MYO16: variants seen among roughly 807,000 people sequenced by gnomAD.
The protein encoded by MYO16 is unconventional myosin-XVI.
A neutral mutation model predicts 205.3 loss-of-function variants in MYO16; 94 were observed. The ratio of observed to expected loss-of-function variants is 0.46; its 90% CI spans 0.39 to 0.54. MYO16 has a LOEUF of 0.54. MYO16 is among the 20% of genes least tolerant of loss of function. MYO16 has a pLI of 0.00. For synonymous variants in MYO16, 988 were observed against 954.0 expected (o/e 1.04, Z -0.66); for missense variants, 2,315 against 2,387.5 (o/e 0.97, Z 0.63).
intron 16 of MYO16, among the ~76,000 whole-genome samples, chr13:108,934,533 C>T (rs1397235402): frequency 6.6e-6 from 1 of 152,042 alleles, no homozygotes; most frequent in African/African-American, 2.4e-5. Context: ...TATATTCTTC[C>T]ATTCTGTAGG....
intron 7 of MYO16, among the ~76,000 whole-genome samples, chr13:108,810,225 T>C (rs1887245877): frequency 6.6e-6 from 1 of 152,218 alleles, no homozygotes; most frequent in Admixed American, 6.5e-5. Flanking sequence ...ATCGTATGTC[T>C]TTACTACTTT....
chr13:109,012,140 A>G (rs558650871), intron 22 of MYO16, among the ~76,000 whole-genome samples: 15 of 152,306 alleles, frequency 9.8e-5, no homozygotes, highest in African/African-American at 3.4e-4. Flanking sequence ...AACAAAAACT[A>G]AACTTTCCTA....
intron 33 of MYO16, among the ~76,000 whole-genome samples, chr13:109,173,887 C>CAAAAAAAAAAAAA (rs778094207): frequency 3.4e-5 from 1 of 29,108 alleles, no homozygotes; most frequent in African/African-American, 1.4e-4. Context: ...GACTCCATCT[C>CAAAAAAAAAAAAA]AAAAAAAAAA....
intron 2 of MYO16, among the ~76,000 whole-genome samples, chr13:108,675,929 G>T (rs1263083664): frequency 6.6e-6 from 1 of 152,168 alleles, no homozygotes; most frequent in Non-Finnish European, 1.5e-5. Flanking sequence ...CTGCAGATAA[G>T]GTTACGAGGT....
At chr13:108,976,779 C>A (rs1276431079) in intron 20 of MYO16, among the ~76,000 whole-genome samples, 1 of 152,086 alleles carries the variant, frequency 6.6e-6, no homozygotes, top group Non-Finnish European at 1.5e-5. Context: ...GCATAAAAGC[C>A]TCTCTTTTTA....
At chr13:109,010,976 T>TATATATATATATATATATATA (rs59979915) in intron 22 of MYO16, among the ~76,000 whole-genome samples, 42 of 143,140 alleles carry the variant, frequency 2.9e-4, no homozygotes, top group Admixed American at 4.2e-4. Context: ...TATATATATA[T>TATATATATATATATATATATA]TTCTTCACCT....
chr13:109,174,706 G>T (rs992456932), intron 33 of MYO16, among the ~76,000 whole-genome samples: 1 of 150,546 alleles, frequency 6.6e-6, no homozygotes, highest in African/African-American at 2.4e-5. Context: ...AAAATTCAGT[G>T]CCATACCCCC....
At chr13:108,601,536 A>G (rs1878763376) in intron 1 of MYO16, among the ~76,000 whole-genome samples, 1 of 141,836 alleles carries the variant, frequency 7.1e-6, no homozygotes, top group African/African-American at 2.5e-5. Flanking sequence ...CTTTTTAAAT[A>G]TGACAATATA....
rs76664810 is a variant in MYO16, at chr13:109,207,920, C to T, written c.*1084C>T. ...AGTTCTGAGCAGTGGCTCCAGACCA[C>T]CTTGTCTTGCTACTTGGAACTTTTT... On this transcript the variant is annotated 3_prime_UTR_variant, in exon 35 of 35. Transcript: ENST00000457511. 1 of 152,346 alleles carries T rather than the reference C, an allele frequency of 6.6e-6. No homozygotes were observed. The highest frequency in any genetic ancestry group is 2.4e-5 in the African/African-American group (1 of 41,572). 9.4% of individuals were successfully genotyped at this position (152,346 alleles called of 1,614,324 possible). A position where few individuals can be genotyped will look rare whatever the true frequency, so the allele number is the denominator to read the frequency against.
intron 19 of MYO16, 69 bp downstream of exon 19, chr13:108,962,564 C>A: frequency 9.3e-7 from 1 of 1,076,670 alleles, no homozygotes; most frequent in Non-Finnish European, 1.4e-6. Flanking sequence ...TACAGTTTGA[C>A]TTGTCCCCAC....
intron 16 of MYO16, among the ~76,000 whole-genome samples, chr13:108,911,997 G>C (rs1023624455): frequency 6.6e-6 from 1 of 152,216 alleles, no homozygotes; most frequent in Non-Finnish European, 1.5e-5. Context: ...GGGAGGAGAA[G>C]AGTGGCCAGA....
At chr13:109,179,446 A>G in intron 33 of MYO16, 96 bp from the exon 34 acceptor site, 2 of 776,518 alleles carry the variant, frequency 2.6e-6, no homozygotes, top group South Asian at 3.2e-5. Flanking sequence ...AATTCATAAA[A>G]GATAACAATT....
upstream of MYO16, among the ~76,000 whole-genome samples, chr13:108,628,668 G>T (rs923705324): frequency 6.6e-6 from 1 of 152,124 alleles, no homozygotes; most frequent in African/African-American, 2.4e-5. Context: ...ATGACCCCTT[G>T]TTGTATAGAT....
chr13:108,877,177 G>A (rs1357806698), intron 12 of MYO16, among the ~76,000 whole-genome samples: 1 of 152,148 alleles, frequency 6.6e-6, no homozygotes, highest in Non-Finnish European at 1.5e-5. Context: ...CCTAAGAATT[G>A]TTTTATAAAT....
the MYO16 span, among the ~76,000 whole-genome samples, chr13:108,516,121 C>T: frequency 6.6e-6 from 1 of 151,546 alleles, no homozygotes; most frequent in Non-Finnish European, 1.5e-5. Context: ...TGCTAGCAAT[C>T]AGCGCGATTC....
chr13:109,075,144 A>G (rs753341038), intron 27 of MYO16, among the ~76,000 whole-genome samples: 4 of 152,194 alleles, frequency 2.6e-5, no homozygotes, highest in African/African-American at 4.8e-5. Flanking sequence ...TAGAGCTTCT[A>G]TGAACCACTG....
intron 16 of MYO16, among the ~76,000 whole-genome samples, chr13:108,915,817 G>T (rs1881472067): frequency 1.3e-5 from 2 of 152,150 alleles, no homozygotes; most frequent in Non-Finnish European, 2.9e-5. Context: ...TTGAAAACAA[G>T]CAGTGTTTGA....
intron 9 of MYO16, among the ~76,000 whole-genome samples, chr13:108,839,836 C>G (rs1237210468): frequency 6.6e-6 from 1 of 152,174 alleles, no homozygotes; most frequent in Admixed American, 6.5e-5. Flanking sequence ...CCAGGGAACT[C>G]TTGTCTTCTG....
At chr13:108,663,678 G>C (rs1881601359) in intron 1 of MYO16, among the ~76,000 whole-genome samples, 1 of 152,090 alleles carries the variant, frequency 6.6e-6, no homozygotes, top group Non-Finnish European at 1.5e-5. Flanking sequence ...TGTCACTGTG[G>C]ATTTTTTAAA....
Sources: allele counts gnomAD v4.1 joint callset (sites outside exome capture counted in the v4.1 genomes callset), GRCh38; gene constraint gnomAD v4.1.1; transcripts MANE v1.5; gene names NCBI Gene and HGNC (gene_info 2026-07-23, HGNC 2026-07-21).